Variants in PDLIM5 observed in about 807,000 individuals in gnomAD.
PDLIM5 encodes the protein PDZ and LIM domain protein 5.
A neutral mutation model predicts 64.2 loss-of-function variants in PDLIM5; 34 were observed. The observed-to-expected ratio is 0.53, with a 90% CI of 0.40 to 0.71. The LOEUF is 0.71. PDLIM5 is among the 30% of genes least tolerant of loss of function. The pLI is 0.00. For synonymous variants in PDLIM5, 253 were observed against 269.1 expected (o/e 0.94, Z 0.59); for missense variants, 683 against 733.6 (o/e 0.93, Z 0.80).
intron 2 of PDLIM5, among the ~76,000 whole-genome samples, chr4:94,476,329 A>G (rs1725320164): frequency 6.6e-6 from 1 of 152,192 alleles, no homozygotes. Context: ...TTATATTTTA[A>G]TTAAGAGTTA....
At position 94,523,892 on chromosome 4, in the gene PDLIM5, T is replaced by C. The variant is rs779912030; in HGVS notation, c.248+17T>C. The C allele has an allele frequency of 5.6e-6, 9 of 1,601,948 alleles. No individual in the cohort carries two copies. Among genetic ancestry groups the C allele is most frequent in the Non-Finnish European group, 7.7e-6 (9 of 1,170,774 alleles). ...TCTGCAAAGGTAAGTTGCTTTTTGT[T>C]TGTCCCTGAAAGAGAAAACAACATT... is the stretch of plus-strand genomic sequence containing the variant. On this transcript the variant is annotated intron_variant, in intron 3 of 12. Transcript: ENST00000317968.
chr4:94,631,791 C>A (rs1740169607), intron 8 of PDLIM5, among the ~76,000 whole-genome samples: 2 of 152,326 alleles, frequency 1.3e-5, no homozygotes, highest in Middle Eastern at 3.4e-3. Flanking sequence ...TCTGGTTTTT[C>A]TCCTGCCTCT....
At chr4:94,579,511 C>T (rs1735567763) in intron 5 of PDLIM5, 8 of 1,346,944 alleles carry the variant, frequency 5.9e-6, no homozygotes, top group African/African-American at 3.0e-5. Context: ...AAATACTTTT[C>T]TCTTTGCAGA....
intron 8 of PDLIM5, 131 bp downstream of exon 8, chr4:94,618,322 A>G (rs1031745480): frequency 1.7e-5 from 9 of 521,404 alleles, no homozygotes; most frequent in Non-Finnish European, 3.0e-5. Flanking sequence ...AAGGACTATC[A>G]GGATTAAACT....
intron 2 of PDLIM5, among the ~76,000 whole-genome samples, chr4:94,469,802 G>A (rs1438945461): frequency 6.6e-6 from 1 of 152,058 alleles, no homozygotes; most frequent in Non-Finnish European, 1.5e-5. Flanking sequence ...TTGAGCAAAG[G>A]AATAACTGTA....
At chr4:94,598,642 T>C (rs1260870470) in intron 7 of PDLIM5, among the ~76,000 whole-genome samples, 2 of 152,124 alleles carry the variant, frequency 1.3e-5, no homozygotes, top group Non-Finnish European at 2.9e-5. Context: ...TTATTTGTGC[T>C]GGTTTCTAGG....
At chr4:94,609,662 A>G (rs945220227) in intron 7 of PDLIM5, among the ~76,000 whole-genome samples, 15 of 152,158 alleles carry the variant, frequency 9.9e-5, no homozygotes, top group Admixed American at 8.5e-4. Flanking sequence ...CTCCTTCTTG[A>G]TAAGCAGTCT....
intron 8 of PDLIM5, among the ~76,000 whole-genome samples, chr4:94,626,775 A>G (rs149692991): frequency 1.3e-4 from 20 of 151,110 alleles, no homozygotes; most frequent in Middle Eastern, 6.8e-3. Context: ...GAGATCTGAT[A>G]TGTTGTTTCG....
chr4:94,665,633 C>T lies in PDLIM5; in HGVS notation c.*1566C>T. 1 of 1,015,582 alleles carries T rather than the reference C, an allele frequency of 9.8e-7. No individual in the cohort carries two copies. Among genetic ancestry groups the T allele is most frequent in the Non-Finnish European group, 1.2e-6 (1 of 849,744 alleles). 62.9% of individuals were successfully genotyped at this position (1,015,582 alleles called of 1,614,324 possible). A position where few individuals can be genotyped will look rare whatever the true frequency, so the allele number is the denominator to read the frequency against. ...TAGTTAAATCAGTTTCTGAGTTATG[C>T]CACTGGCTGATGAAGAGTTGAGAGG... On this transcript the variant is annotated 3_prime_UTR_variant, in exon 13 of 13. Transcript: ENST00000317968.
intron 9 of PDLIM5, among the ~76,000 whole-genome samples, chr4:94,645,575 G>A (rs890164148): frequency 6.6e-6 from 1 of 151,980 alleles, no homozygotes; most frequent in Non-Finnish European, 1.5e-5. Flanking sequence ...ATTTATTGAG[G>A]GTCCTATAAT....
intron 3 of PDLIM5, among the ~76,000 whole-genome samples, chr4:94,571,608 A>G (rs1734807599): frequency 6.6e-6 from 1 of 152,156 alleles, no homozygotes; most frequent in African/African-American, 2.4e-5. Context: ...CCCATTGTAT[A>G]TTTGCCAGGA....
chr4:94,599,860 T>A (rs2110347227), intron 7 of PDLIM5, among the ~76,000 whole-genome samples: 1 of 152,218 alleles, frequency 6.6e-6, no homozygotes, highest in South Asian at 2.1e-4. Flanking sequence ...GGACACTTGC[T>A]CCATCTCCAG....
chr4:94,615,710 T>C (rs1293390716), intron 7 of PDLIM5, among the ~76,000 whole-genome samples: 1 of 152,226 alleles, frequency 6.6e-6, no homozygotes, highest in Non-Finnish European at 1.5e-5. Flanking sequence ...CATCCTCTGC[T>C]TAAGTGGCTT....
At chr4:94,635,520 T>C (rs1740488346) in intron 8 of PDLIM5, among the ~76,000 whole-genome samples, 1 of 152,010 alleles carries the variant, frequency 6.6e-6, no homozygotes, top group Non-Finnish European at 1.5e-5. Context: ...TCTAAAGAGG[T>C]GTATTTTTCT....
At chr4:94,651,981 A>T (rs1255460371) in intron 9 of PDLIM5, among the ~76,000 whole-genome samples, 1 of 152,230 alleles carries the variant, frequency 6.6e-6, no homozygotes, top group East Asian at 1.9e-4. Context: ...CAGTTTTCTG[A>T]TGATCTGACT....
At chr4:94,494,180 C>G (rs1219390800) in intron 2 of PDLIM5, among the ~76,000 whole-genome samples, 1 of 151,972 alleles carries the variant, frequency 6.6e-6, no homozygotes, top group African/African-American at 2.4e-5. Context: ...GTTACCCAGG[C>G]TGGTCTCCAA....
chr4:94,539,944 T>C (rs971276681), intron 3 of PDLIM5, among the ~76,000 whole-genome samples: 1 of 152,074 alleles, frequency 6.6e-6, no homozygotes, highest in Non-Finnish European at 1.5e-5. Context: ...AAATTTTGAA[T>C]TTCATTTCTA....
At chr4:94,528,012 A>T (rs1730528023) in intron 3 of PDLIM5, among the ~76,000 whole-genome samples, 1 of 152,176 alleles carries the variant, frequency 6.6e-6, no homozygotes, top group Non-Finnish European at 1.5e-5. Flanking sequence ...TTCTATCCAG[A>T]CTAATCCCTC....
chr4:94,478,890 GTTTTTTTTTT>G (rs67013211), intron 2 of PDLIM5, among the ~76,000 whole-genome samples: 2 of 94,084 alleles, frequency 2.1e-5, no homozygotes, highest in African/African-American at 8.9e-5. Flanking sequence ...TGTGCTTGGT[GTTTTTTTTTT>G]TTTTTTTTTT....
Sources: gnomAD v4.1 joint callset for allele counts (sites outside exome capture counted in the v4.1 genomes callset) on GRCh38, gnomAD v4.1.1 for gene constraint, MANE v1.5 for transcripts, NCBI Gene and HGNC (gene_info 2026-07-23, HGNC 2026-07-21) for gene names.